The following PRKG1 variants were observed in gnomAD, a reference collection of about 807,000 sequenced individuals.
PRKG1 encodes cGMP-dependent protein kinase 1.
In PRKG1, 35 loss-of-function variants were observed where a neutral mutation model predicts 88.1. The ratio of observed to expected loss-of-function variants is 0.40; its 90% CI spans 0.30 to 0.53. The LOEUF (loss-of-function observed/expected upper bound fraction) is 0.53, where lower values mean the gene tolerates loss of function less well. Among genes scored for constraint, PRKG1 ranks in the 20% least tolerant of loss-of-function variants. The pLI is 0.59. For missense variants in PRKG1, 540 were observed against 839.8 expected (o/e 0.64, Z 4.41); for synonymous variants, 303 against 292.5 (o/e 1.04, Z -0.37).
chr10:51,985,682 A>C (rs576465443), intron 5 of PRKG1, among the ~76,000 whole-genome samples: 2 of 152,318 alleles, frequency 1.3e-5, no homozygotes, highest in Middle Eastern at 6.8e-3. Flanking sequence ...GTCTGCTGCC[A>C]TTTAAAAAAT....
At chr10:51,491,731 A>G (rs1323211659) in intron 3 of PRKG1, among the ~76,000 whole-genome samples, 1 of 152,142 alleles carries the variant, frequency 6.6e-6, no homozygotes, top group African/African-American at 2.4e-5. Context: ...TTCAGCTGGG[A>G]TCATTTAGGA....
intron 4 of PRKG1, among the ~76,000 whole-genome samples, chr10:51,905,296 C>T (rs925053035): frequency 6.6e-6 from 1 of 152,116 alleles, no homozygotes; most frequent in Non-Finnish European, 1.5e-5. Context: ...AATTGTTACA[C>T]CTCTGCATAA....
chr10:52,077,272 A>G (rs1846652862), intron 7 of PRKG1, among the ~76,000 whole-genome samples: 1 of 152,178 alleles, frequency 6.6e-6, no homozygotes, highest in South Asian at 2.1e-4. Flanking sequence ...TAGTATCAAA[A>G]TAATTACGAT....
At chr10:51,079,374 G>A (rs1195155105) in intron 1 of PRKG1, among the ~76,000 whole-genome samples, 1 of 152,190 alleles carries the variant, frequency 6.6e-6, no homozygotes, top group East Asian at 1.9e-4. Flanking sequence ...TGTGGAAGTA[G>A]AAGGGTTTAA....
intron 9 of PRKG1, among the ~76,000 whole-genome samples, chr10:52,172,191 T>C (rs928138140): frequency 6.6e-6 from 1 of 152,236 alleles, no homozygotes; most frequent in Non-Finnish European, 1.5e-5. Flanking sequence ...GAAGACTTTA[T>C]AAATGTGAAT....
chr10:51,013,454 G>A (rs745336285), intron 1 of PRKG1, among the ~76,000 whole-genome samples: 6 of 152,110 alleles, frequency 3.9e-5, no homozygotes, highest in Non-Finnish European at 5.9e-5. Flanking sequence ...GCAGTGGTGC[G>A]ATCTCGGCTC....
At chr10:51,072,951 T>C (rs1286050952), upstream of PRKG1, among the ~76,000 whole-genome samples, 1 of 152,226 alleles carries the variant, frequency 6.6e-6, no homozygotes, top group Non-Finnish European at 1.5e-5. Flanking sequence ...TGCAATTCAA[T>C]TTTATTTTCT....
rs1837229621 is a variant in PRKG1 at position 51,554,058 on chromosome 10, C to CGTATGTGAT, written c.592+86224_592+86225insATGTGATGT. Among the ~76,000 whole-genome samples the CGTATGTGAT allele has an allele frequency of 2.6e-5, 2 of 77,964 alleles. 1 individual carries two copies. Among genetic ancestry groups the CGTATGTGAT allele is most frequent in the East Asian group, 5.3e-4 (2 of 3,800 alleles). The allele number at this position is 77,964 out of a possible 152,430, so 51.1% of individuals were successfully genotyped here. On this transcript the variant is annotated intron_variant, in intron 3 of 17. Coordinates refer to ENST00000373980, the MANE Select transcript of PRKG1 (RefSeq NM_006258.4). ...ATATATTATATGTGCGTATGTGATA[C>CGTATGTGAT]GTGTATATATTATATGTGCGTATGT...
intron 9 of PRKG1, among the ~76,000 whole-genome samples, chr10:52,245,866 A>C (rs989779194): frequency 1.1e-4 from 16 of 151,736 alleles, no homozygotes; most frequent in African/African-American, 3.9e-4. Flanking sequence ...CTGGGCTAAA[A>C]CTAATAGGGC....
At chr10:51,602,097 A>G (rs1049849090) in intron 3 of PRKG1, among the ~76,000 whole-genome samples, 1 of 152,084 alleles carries the variant, frequency 6.6e-6, no homozygotes, top group African/African-American at 2.4e-5. Context: ...TTTAAAATAT[A>G]AGGTGATTTT....
rs200045834 is a variant in PRKG1 at position 51,277,768 on chromosome 10, GT to G, written c.478+124439del. On this transcript the variant is annotated intron_variant, in intron 2 of 17. Coordinates refer to ENST00000373980, the MANE Select transcript of PRKG1 (RefSeq NM_006258.4). Reference sequence around the variant, plus strand: ...ATTTGGCTCTCTGCCTGTTATTGGTGTATAGCAATGCTTGTGATTTTTGCAC... The same window carrying G: ...ATTTGGCTCTCTGCCTGTTATTGGTGATAGCAATGCTTGTGATTTTTGCAC... Among the ~76,000 whole-genome samples, 121 of 152,278 alleles carry G rather than the reference GT, an allele frequency of 7.9e-4. 2 individuals are homozygous for G. The East Asian group carries it at 0.021, about 27-fold the overall frequency.
At chr10:51,628,008 C>CTCTT (rs762442433) in intron 3 of PRKG1, among the ~76,000 whole-genome samples, 568 of 50,464 alleles carry the variant, frequency 0.011, 10 homozygotes, top group South Asian at 0.015. Flanking sequence ...CTCTCTCTCT[C>CTCTT]TCTTTCTTTC....
Position 51,721,916 on chromosome 10 carries a change from G to T in PRKG1, c.593-82669G>T, listed in dbSNP as rs112619218. 2.9e-3 allele frequency among the ~76,000 whole-genome samples: 445 copies of T among 152,276 alleles called. 1 individual carries two copies. Among genetic ancestry groups the T allele is most frequent in the African/African-American group, 6.9e-3 (287 of 41,544 alleles). ...TTTTTGCCTTGCCTTCTTCAGGGAAGGATTCATACTTTAACATTAAATTAT... is the reference window on the plus strand; with the variant it reads ...TTTTTGCCTTGCCTTCTTCAGGGAATGATTCATACTTTAACATTAAATTAT... On this transcript the variant is annotated intron_variant, in intron 3 of 17. Coordinates refer to ENST00000373980, the MANE Select transcript of PRKG1 (RefSeq NM_006258.4).
intron 9 of PRKG1, among the ~76,000 whole-genome samples, chr10:52,214,560 A>G (rs939359231): frequency 3.9e-5 from 6 of 152,210 alleles, no homozygotes; most frequent in African/African-American, 1.4e-4. Flanking sequence ...AGCATGCAGT[A>G]AGTACAATTA....
intron 5 of PRKG1, among the ~76,000 whole-genome samples, chr10:51,934,254 A>ACCCCC (rs58734959): frequency 1.4e-5 from 2 of 143,838 alleles, no homozygotes; most frequent in African/African-American, 5.1e-5. Context: ...ACACACACAT[A>ACCCCC]CCCCCCCCCC....
intron 2 of PRKG1, among the ~76,000 whole-genome samples, chr10:51,192,359 G>A (rs1353013643): frequency 3.3e-5 from 5 of 151,840 alleles, no homozygotes; most frequent in Admixed American, 2.6e-4. Context: ...CTGTAAAATA[G>A]AATGGGTTGA....
chr10:51,721,520 A>C (rs1842013189), intron 3 of PRKG1, among the ~76,000 whole-genome samples: 1 of 152,138 alleles, frequency 6.6e-6, no homozygotes, highest in Admixed American at 6.5e-5. Flanking sequence ...AGTGCGGTGG[A>C]AATCCACGTT....
chr10:52,227,084 T>C (rs1041847512), intron 9 of PRKG1, among the ~76,000 whole-genome samples: 3 of 152,198 alleles, frequency 2.0e-5, no homozygotes, highest in South Asian at 2.1e-4. Context: ...GTTTGATGTA[T>C]TTTAATTAAT....
At chr10:51,917,170 T>A (rs138527097) in intron 5 of PRKG1, among the ~76,000 whole-genome samples, 8 of 151,896 alleles carry the variant, frequency 5.3e-5, no homozygotes, top group Admixed American at 4.6e-4. Context: ...ATACAAAAAA[T>A]TAGCCAGGTG....
Sources: gnomAD v4.1 joint callset for allele counts (sites outside exome capture counted in the v4.1 genomes callset) on GRCh38, gnomAD v4.1.1 for gene constraint, MANE v1.5 for transcripts, NCBI Gene and HGNC (gene_info 2026-07-23, HGNC 2026-07-21) for gene names.